ADGRL3: variants seen among roughly 807,000 people sequenced by gnomAD.
ADGRL3 encodes calcium-independent alpha-latrotoxin receptor 3.
Under a neutral mutation model 153.5 loss-of-function variants are expected in ADGRL3, and 62 were observed. The observed-to-expected ratio is 0.40, with a 90% CI of 0.33 to 0.50. The LOEUF is 0.50. Among genes scored for constraint, ADGRL3 ranks in the 20% least tolerant of loss-of-function variants. The pLI is 0.47. For missense variants in ADGRL3, 1,641 were observed against 1,859.4 expected (o/e 0.88, Z 2.16); for synonymous variants, 710 against 672.5 (o/e 1.06, Z -0.86).
intron 1 of ADGRL3, among the ~76,000 whole-genome samples, chr4:61,333,397 C>T (rs756887067): frequency 2.6e-5 from 4 of 152,040 alleles, no homozygotes; most frequent in Non-Finnish European, 5.9e-5. Flanking sequence ...TCACAAAATA[C>T]ATGCAGTAAT....
intron 8 of ADGRL3, among the ~76,000 whole-genome samples, chr4:61,756,494 G>T (rs1325798699): frequency 6.6e-6 from 1 of 152,152 alleles, no homozygotes; most frequent in African/African-American, 2.4e-5. Context: ...TGCTGAAGTT[G>T]CCTATCAACT....
chr4:61,810,821 A>G (rs925685814), intron 8 of ADGRL3, among the ~76,000 whole-genome samples: 15 of 151,944 alleles, frequency 9.9e-5, no homozygotes, highest in African/African-American at 3.6e-4. Context: ...TTCTCCTTCT[A>G]CCCTCTCAAT....
chr4:61,512,049 T>C (rs2098466269), intron 3 of ADGRL3, among the ~76,000 whole-genome samples: 1 of 152,124 alleles, frequency 6.6e-6, no homozygotes, highest in Admixed American at 6.5e-5. Context: ...GGATTGAAAA[T>C]GTGCCTTTAT....
intron 9 of ADGRL3, among the ~76,000 whole-genome samples, chr4:61,868,185 CAAAGTAATTCAGTGATTGAGACTGAATTG>C (rs912199332): frequency 1.3e-5 from 2 of 152,004 alleles, no homozygotes; most frequent in African/African-American, 4.8e-5. Flanking sequence ...CTAGAAATAT[CAAAGTAATTCAGTGATTGAGACTGAATTG>C]AAAGTAATTC....
At chr4:61,540,336 G>C (rs2098682366) in intron 4 of ADGRL3, among the ~76,000 whole-genome samples, 1 of 152,064 alleles carries the variant, frequency 6.6e-6, no homozygotes. Context: ...CTCACTTGAG[G>C]TCAGGAGTTC....
At chr4:61,833,008 C>G (rs2097891038) in intron 9 of ADGRL3, among the ~76,000 whole-genome samples, 1 of 151,862 alleles carries the variant, frequency 6.6e-6, no homozygotes, top group African/African-American at 2.4e-5. Context: ...TGCCTACATG[C>G]AAGATTTCGA....
chr4:61,290,948 G>A (rs1232556633), intron 1 of ADGRL3, among the ~76,000 whole-genome samples: 1 of 151,852 alleles, frequency 6.6e-6, no homozygotes, highest in Non-Finnish European at 1.5e-5. Context: ...TATTAAAAAT[G>A]TGAATGATTT....
At chr4:61,526,235 A>C (rs1419522770) in intron 4 of ADGRL3, among the ~76,000 whole-genome samples, 1 of 152,166 alleles carries the variant, frequency 6.6e-6, no homozygotes, top group Non-Finnish European at 1.5e-5. Flanking sequence ...GGATGAGAAA[A>C]TGATTGGTTT....
intron 1 of ADGRL3, among the ~76,000 whole-genome samples, chr4:61,358,599 A>AAAG (rs1311237309): frequency 2.0e-5 from 3 of 147,518 alleles, no homozygotes. Context: ...TCCGTCTCAA[A>AAAG]AAAAAAAAAA....
intron 4 of ADGRL3, among the ~76,000 whole-genome samples, chr4:61,578,161 T>A (rs1408917612): frequency 6.6e-6 from 1 of 152,072 alleles, no homozygotes; most frequent in Non-Finnish European, 1.5e-5. Context: ...CTAAAAGAAG[T>A]TCCCTTTCCT....
intron 6 of ADGRL3, among the ~76,000 whole-genome samples, chr4:61,710,304 A>T (rs554212847): frequency 6.6e-6 from 1 of 152,296 alleles, no homozygotes; most frequent in South Asian, 2.1e-4. Flanking sequence ...GCTAATGGGG[A>T]TCAGTCTTGG....
chr4:62,069,836 T>A (rs1442716980), intron 26 of ADGRL3, among the ~76,000 whole-genome samples: 1 of 152,164 alleles, frequency 6.6e-6, no homozygotes, highest in African/African-American at 2.4e-5. Flanking sequence ...GTGTGGCAAT[T>A]GCAAATTGAT....
chr4:61,297,779 A>C (rs1020958208), intron 1 of ADGRL3, among the ~76,000 whole-genome samples: 1 of 151,750 alleles, frequency 6.6e-6, no homozygotes, highest in African/African-American at 2.4e-5. Flanking sequence ...AATGTTACTT[A>C]GTACCTACCA....
intron 21 of ADGRL3, among the ~76,000 whole-genome samples, chr4:62,025,590 G>A (rs2151436352): frequency 6.6e-6 from 1 of 152,148 alleles, no homozygotes; most frequent in East Asian, 1.9e-4. Context: ...TCCTCAGTTT[G>A]GAGGCCTCGT....
rs369137363 is a variant in ADGRL3, at chr4:61,782,306, A to G, written c.1400-31503A>G. 5.8e-4 allele frequency among the ~76,000 whole-genome samples: 89 copies of G among 152,316 alleles called. 1 individual carries two copies. The highest frequency in any genetic ancestry group is 3.4e-3 in the Middle Eastern group (1 of 294). On this transcript the variant is annotated intron_variant, in intron 8 of 26. Coordinates refer to ENST00000683033, the MANE Select transcript of ADGRL3 (RefSeq NM_001387552.1). The stretch of plus-strand genomic sequence containing the variant: ...TTGGCCATTATTTGCTGAGCTGTAT[A>G]AACAATGAGCAGCTGTATCATTGTT...
chr4:61,874,485 C>T (rs1168518102), intron 9 of ADGRL3, among the ~76,000 whole-genome samples: 1 of 152,126 alleles, frequency 6.6e-6, no homozygotes, highest in Non-Finnish European at 1.5e-5. Context: ...ACAGGCTCCA[C>T]CCACATTCAA....
At chr4:61,749,311 A>T (rs868142057) in intron 8 of ADGRL3, among the ~76,000 whole-genome samples, 8 of 152,018 alleles carry the variant, frequency 5.3e-5, no homozygotes, top group Admixed American at 1.3e-4. Flanking sequence ...GCGATTCCTC[A>T]GGGATCTAGA....
intron 21 of ADGRL3, among the ~76,000 whole-genome samples, chr4:62,021,613 A>C (rs1029263114): frequency 6.6e-6 from 1 of 152,156 alleles, no homozygotes; most frequent in Non-Finnish European, 1.5e-5. Context: ...ATTTCAAGCA[A>C]GTCTATCAGT....
chr4:61,526,904 T>C (rs2098565787), intron 4 of ADGRL3, among the ~76,000 whole-genome samples: 1 of 152,156 alleles, frequency 6.6e-6, no homozygotes, highest in Non-Finnish European at 1.5e-5. Flanking sequence ...TTTCAAATAG[T>C]CTATAGCAAA....
Sources: allele counts gnomAD v4.1 joint callset (sites outside exome capture counted in the v4.1 genomes callset), GRCh38; gene constraint gnomAD v4.1.1; transcripts MANE v1.5; gene names NCBI Gene and HGNC (gene_info 2026-07-23, HGNC 2026-07-21).